Variants in GAN observed in about 807,000 individuals in gnomAD.
The protein encoded by GAN is gigaxonin.
A neutral mutation model predicts 71.3 loss-of-function variants in GAN; 48 were observed. The ratio of observed to expected loss-of-function variants is 0.67; its 90% CI spans 0.53 to 0.86. The LOEUF (loss-of-function observed/expected upper bound fraction) is 0.86. Among genes scored for constraint, GAN ranks in the 40% least tolerant of loss-of-function variants. GAN has a pLI of 0.00. For synonymous variants in GAN, 386 were observed against 276.8 expected (o/e 1.39, Z -3.92); for missense variants, 928 against 770.1 (o/e 1.21, Z -2.43).
At position 81,357,376 on chromosome 16, in the gene GAN, G is replaced by A. The variant is rs193035758; in HGVS notation, c.851+374G>A. On this transcript the variant is annotated intron_variant, in intron 4 of 10. Transcript: ENST00000648994. ...GCGGTGTTTGGTTTTTTGTTCTTGCGATAGTTTACTGAGAATGATGATTTC... is the reference window on the plus strand; with the variant it reads ...GCGGTGTTTGGTTTTTTGTTCTTGCAATAGTTTACTGAGAATGATGATTTC... Among the ~76,000 whole-genome samples, 20 of 152,162 alleles carry A rather than the reference G, an allele frequency of 1.3e-4. No homozygotes were observed. In the East Asian group the frequency reaches 1.4e-3, roughly 10 times the overall value.
In GAN at chr16:81,361,997, T is replaced by G. The variant is rs546231406; in HGVS notation, c.974-502T>G. ...CGGCTAAGATTATTTTTTAAATGTT[T>G]TATCCAGCAAATTGTTTTTTGCAGA... On this transcript the variant is annotated intron_variant, in intron 5 of 10. Coordinates refer to ENST00000648994, the MANE Select transcript of GAN (RefSeq NM_022041.4). Among the ~76,000 whole-genome samples, 154 of 152,368 alleles carry G rather than the reference T, an allele frequency of 1.0e-3. 1 individual carries two copies. The highest frequency in any genetic ancestry group is 1.9e-3 in the Admixed American group (29 of 15,310).
At chr16:81,368,543 G>A (rs1910935305) in intron 9 of GAN, among the ~76,000 whole-genome samples, 1 of 152,196 alleles carries the variant, frequency 6.6e-6, no homozygotes, top group Admixed American at 6.5e-5. Flanking sequence ...GGAAGTGGTG[G>A]AAGCTGCAGT....
intron 1 of GAN, among the ~76,000 whole-genome samples, chr16:81,338,406 T>C (rs16955074): frequency 0.021 from 3,216 of 152,256 alleles, 59 homozygotes; most frequent in East Asian, 0.083. Context: ...AAATGATCAG[T>C]TATTAACCCT....
rs375408288 is a variant in GAN, at chr16:81,365,378, A to G, written c.1402A>G (p.Met468Val). The stretch of plus-strand genomic sequence containing the variant: ...TGGAGCGGTGGCCTGTGGAGTTGCT[A>G]TGGAGCTGTATGTGTTTGGGGGAGT... The part of the protein sequence containing the change: ...RFGAVACGVA[M>V]ELYVFGGVRS... Residue 468 changes from methionine (M) to valine (V), a missense_variant, in exon 9 of 11, where the codon ATG becomes GTG. Physicochemically the swap from Met to Val is conservative, Grantham distance 21 (BLOSUM62 1). Transcript: ENST00000648994. 37 of 1,613,518 alleles carry G rather than the reference A, an allele frequency of 2.3e-5. No homozygotes were observed. The highest frequency in any genetic ancestry group is 2.8e-5 in the Non-Finnish European group (33 of 1,179,928).
chr16:81,352,745 G>A (rs1325844554), intron 2 of GAN, among the ~76,000 whole-genome samples: 1 of 152,062 alleles, frequency 6.6e-6, no homozygotes, highest in East Asian at 1.9e-4. Context: ...CTAGTGGGTG[G>A]GTGTGTACGT....
At chr16:81,318,785 C>G (rs1909128628) in intron 1 of GAN, among the ~76,000 whole-genome samples, 1 of 152,180 alleles carries the variant, frequency 6.6e-6, no homozygotes, top group East Asian at 1.9e-4. Context: ...GCTTTGGCAA[C>G]ACACCCTCAT....
intron 1 of GAN, among the ~76,000 whole-genome samples, chr16:81,342,040 C>T (rs572629987): frequency 5.3e-5 from 8 of 152,210 alleles, no homozygotes; most frequent in Non-Finnish European, 1.2e-4. Context: ...CAAAGAAGGC[C>T]ATTACATAAT....
chr16:81,337,126 C>CA (rs1362283803), intron 1 of GAN, among the ~76,000 whole-genome samples: 1 of 151,956 alleles, frequency 6.6e-6, no homozygotes, highest in Non-Finnish European at 1.5e-5. Context: ...CTCCTGAAGA[C>CA]AAAAAAGCAG....
chr16:81,361,151 G>C (rs946779267), intron 5 of GAN, among the ~76,000 whole-genome samples: 4 of 152,150 alleles, frequency 2.6e-5, no homozygotes, highest in African/African-American at 9.7e-5. Context: ...CTTGAACCCA[G>C]GAGGCAGAAG....
chr16:81,336,378 C>T (rs1226579243), intron 1 of GAN, among the ~76,000 whole-genome samples: 4 of 152,142 alleles, frequency 2.6e-5, no homozygotes, highest in African/African-American at 9.7e-5. Flanking sequence ...TGAGACAAGG[C>T]CATCTGTTGA....
At chr16:81,366,467 T>C (rs1326014677) in intron 9 of GAN, among the ~76,000 whole-genome samples, 1 of 152,198 alleles carries the variant, frequency 6.6e-6, no homozygotes, top group Non-Finnish European at 1.5e-5. Flanking sequence ...TATGTTTAAA[T>C]CCTAAGGGGA....
At chr16:81,358,752 C>A (rs1183900843) in intron 5 of GAN, among the ~76,000 whole-genome samples, 1 of 152,174 alleles carries the variant, frequency 6.6e-6, no homozygotes, top group East Asian at 1.9e-4. Context: ...CCAAAGCTCT[C>A]CCTTAAGGAG....
intron 2 of GAN, 43 bp downstream of exon 2, chr16:81,351,740 C>G (rs778063383): frequency 3.3e-6 from 3 of 898,280 alleles, no homozygotes; most frequent in Non-Finnish European, 5.7e-6. Flanking sequence ...GTAGAGGCTT[C>G]TCAAGCTCAG....
rs932714141 is a variant in GAN, at chr16:81,384,079, T to G, written c.*6483T>G. Reference sequence around the variant, plus strand: ...CTGTACTAACTTGCTTTATCATGTTTCCTGTTTAATTGGATGAGAATTACA... The same window carrying G: ...CTGTACTAACTTGCTTTATCATGTTGCCTGTTTAATTGGATGAGAATTACA... On this transcript the variant is annotated 3_prime_UTR_variant, in exon 11 of 11. Transcript: ENST00000648994. The G allele has an allele frequency of 6.6e-6, 1 of 152,114 alleles. No homozygotes were observed. The highest frequency in any genetic ancestry group is 1.5e-5 in the Non-Finnish European group (1 of 68,024). The allele number at this position is 152,114 out of a possible 1,614,324, so 9.4% of individuals were successfully genotyped here. A position where few individuals can be genotyped will look rare whatever the true frequency, so the allele number is the denominator to read the frequency against.
At chr16:81,348,588 G>T (rs987437792) in intron 1 of GAN, among the ~76,000 whole-genome samples, 1 of 152,230 alleles carries the variant, frequency 6.6e-6, no homozygotes, top group African/African-American at 2.4e-5. Context: ...ATCTCCAAAT[G>T]CTGGGGGCCC....
At chr16:81,320,174 G>A (rs1379858501) in intron 1 of GAN, among the ~76,000 whole-genome samples, 1 of 152,202 alleles carries the variant, frequency 6.6e-6, no homozygotes, top group Non-Finnish European at 1.5e-5. Flanking sequence ...ACTCACAGAT[G>A]ATACTGATGA....
intron 1 of GAN, among the ~76,000 whole-genome samples, chr16:81,322,360 G>A (rs1909249457): frequency 1.3e-5 from 2 of 152,186 alleles, no homozygotes; most frequent in African/African-American, 2.4e-5. Context: ...CAGCGGCTAG[G>A]TACTAGCAAG....
At chr16:81,328,677 T>A (rs921443215) in intron 1 of GAN, among the ~76,000 whole-genome samples, 3 of 149,442 alleles carry the variant, frequency 2.0e-5, no homozygotes, top group Non-Finnish European at 4.5e-5. Flanking sequence ...CTATCACCAT[T>A]TTTTTTAGAT....
Position 81,315,029 on chromosome 16 carries a change from C to A in GAN, c.-85C>A, listed in dbSNP as rs1908976520. ...AGCGCGGAGAGCCGGGCCGGGCGGG[C>A]GCGCGCGCAGGACTCGGGCCGCTCG... On this transcript the variant is annotated 5_prime_UTR_variant, in exon 1 of 11. Transcript: ENST00000648994. 1.8e-6 allele frequency: 2 copies of A among 1,133,550 alleles called. No individual in the cohort carries two copies. The highest frequency in any genetic ancestry group is 2.3e-6 in the Non-Finnish European group (2 of 867,860). The allele number at this position is 1,133,550 out of a possible 1,614,324, so 70.2% of individuals were successfully genotyped here.
Sources: gnomAD v4.1 joint callset for allele counts (sites outside exome capture counted in the v4.1 genomes callset) on GRCh38, gnomAD v4.1.1 for gene constraint, MANE v1.5 for transcripts, NCBI Gene and HGNC (gene_info 2026-07-23, HGNC 2026-07-21) for gene names.